NEGR1: variants seen among roughly 807,000 people sequenced by gnomAD.
The protein encoded by NEGR1 is neuronal growth regulator 1, also known as IgLON family member 4.
In NEGR1, 10 loss-of-function variants were observed where a neutral mutation model predicts 40.9. The observed-to-expected ratio is 0.24, with a 90% CI of 0.15 to 0.42. The LOEUF (loss-of-function observed/expected upper bound fraction) is 0.42. NEGR1 is among the 10% of genes least tolerant of loss of function. NEGR1 has a pLI of 1.00. For missense variants in NEGR1, 352 were observed against 438.9 expected, an observed-to-expected ratio of 0.80 and a Z score of 1.77; for synonymous variants, 185 against 166.8, an observed-to-expected ratio of 1.11 and a Z score of -0.84.
intron 1 of NEGR1, among the ~76,000 whole-genome samples, chr1:71,946,674 C>G (rs1220263772): frequency 1.3e-5 from 2 of 151,952 alleles, no homozygotes; most frequent in Non-Finnish European, 1.5e-5. Context: ...ATCTTTTCTA[C>G]TGTAAAATGC....
chr1:71,681,885 G>A (rs995538297), intron 4 of NEGR1, among the ~76,000 whole-genome samples: 1 of 152,132 alleles, frequency 6.6e-6, no homozygotes, highest in Non-Finnish European at 1.5e-5. Context: ...GGTGTGCAGT[G>A]GTGTGATCTC....
At chr1:71,731,375 G>C (rs944493020) in intron 3 of NEGR1, among the ~76,000 whole-genome samples, 1 of 152,146 alleles carries the variant, frequency 6.6e-6, no homozygotes, top group Non-Finnish European at 1.5e-5. Flanking sequence ...GTGGAACTCA[G>C]CATTTGTGAT....
chr1:71,656,904 C>T (rs948201804), intron 4 of NEGR1, among the ~76,000 whole-genome samples: 7 of 152,144 alleles, frequency 4.6e-5, no homozygotes, highest in Admixed American at 3.3e-4. Context: ...TGCAACATAT[C>T]TCTAATTCAT....
At chr1:71,648,862 A>G (rs1441454495) in intron 4 of NEGR1, among the ~76,000 whole-genome samples, 1 of 151,948 alleles carries the variant, frequency 6.6e-6, no homozygotes, top group Non-Finnish European at 1.5e-5. Flanking sequence ...GCTGTGTTCA[A>G]TTTTCACTAT....
At chr1:72,069,685 G>A (rs932521791) in intron 1 of NEGR1, among the ~76,000 whole-genome samples, 1 of 152,026 alleles carries the variant, frequency 6.6e-6, no homozygotes, top group Non-Finnish European at 1.5e-5. Flanking sequence ...TATAGGCCAA[G>A]GAAATTGGTA....
chr1:71,662,982 G>T (rs1218318778), intron 4 of NEGR1, among the ~76,000 whole-genome samples: 1 of 151,106 alleles, frequency 6.6e-6, no homozygotes, highest in African/African-American at 2.4e-5. Context: ...TTTGAGACGG[G>T]GTCTCGTTCT....
chr1:72,249,240 A>G (rs564614822), intron 1 of NEGR1, among the ~76,000 whole-genome samples: 2 of 152,344 alleles, frequency 1.3e-5, no homozygotes, highest in Admixed American at 1.3e-4. Flanking sequence ...ATGTATCATC[A>G]CTAGACACTC....
chr1:71,561,928 CT>C (rs72262470), intron 6 of NEGR1, among the ~76,000 whole-genome samples: 54 of 140,018 alleles, frequency 3.9e-4, no homozygotes, highest in Middle Eastern at 3.5e-3. Flanking sequence ...TTTGCTAGAG[CT>C]TTTTTTTTTT....
chr1:71,451,539 T>C (rs1646628574), intron 6 of NEGR1, among the ~76,000 whole-genome samples: 1 of 152,036 alleles, frequency 6.6e-6, no homozygotes, highest in Non-Finnish European at 1.5e-5. Flanking sequence ...TTTCACCACG[T>C]TGGCCAGGCT....
intron 6 of NEGR1, among the ~76,000 whole-genome samples, chr1:71,455,154 T>C (rs1202697631): frequency 6.6e-6 from 1 of 152,196 alleles, no homozygotes; most frequent in African/African-American, 2.4e-5. Context: ...CCAGTTCTTG[T>C]ACAAATATGT....
intron 2 of NEGR1, chr1:71,794,107 T>C (rs1187128764): frequency 6.6e-6 from 1 of 152,168 alleles, no homozygotes; most frequent in Non-Finnish European, 1.5e-5. Context: ...TCATTGCTAA[T>C]AGATAACTTG....
chr1:71,944,988 T>G (rs547674322), intron 1 of NEGR1, among the ~76,000 whole-genome samples: 1 of 152,266 alleles, frequency 6.6e-6, no homozygotes, highest in East Asian at 1.9e-4. Context: ...AAAATTAATG[T>G]TTTTTTAAAC....
At chr1:71,742,881 G>T (rs1387583284) in intron 3 of NEGR1, among the ~76,000 whole-genome samples, 1 of 152,150 alleles carries the variant, frequency 6.6e-6, no homozygotes, top group Non-Finnish European at 1.5e-5. Flanking sequence ...CACAATATTT[G>T]TGTTCCCCCA....
At chr1:71,749,038 AAAAT>A (rs1347522551) in intron 3 of NEGR1, among the ~76,000 whole-genome samples, 1 of 152,184 alleles carries the variant, frequency 6.6e-6, no homozygotes, top group Non-Finnish European at 1.5e-5. Flanking sequence ...TTGTTAACTT[AAAAT>A]AAGAATGATG....
chr1:72,005,054 GT>G (rs1646594209), intron 1 of NEGR1, among the ~76,000 whole-genome samples: 1 of 152,074 alleles, frequency 6.6e-6, no homozygotes, highest in African/African-American at 2.4e-5. Context: ...TGCTTTGACA[GT>G]TTGCATTTTT....
At chr1:71,917,801 A>G (rs1218443649) in intron 2 of NEGR1, among the ~76,000 whole-genome samples, 1 of 150,068 alleles carries the variant, frequency 6.7e-6, no homozygotes, top group Non-Finnish European at 1.5e-5. Flanking sequence ...AAAAAAAAGT[A>G]AGTCATATAT....
intron 6 of NEGR1, among the ~76,000 whole-genome samples, chr1:71,483,434 T>G (rs1263774411): frequency 6.6e-6 from 1 of 151,612 alleles, no homozygotes; most frequent in African/African-American, 2.4e-5. Flanking sequence ...TAGGAAATAA[T>G]GGAATAATTC....
At chr1:71,953,948 G>A (rs3845342) in intron 1 of NEGR1, among the ~76,000 whole-genome samples, 21,660 of 151,550 alleles carry the variant, frequency 0.14, 1,725 homozygotes, top group African/African-American at 0.21. Context: ...CCACTTTATC[G>A]CAGTGGTCTG....
In NEGR1 at chr1:71,507,413, T is replaced by C. The variant is rs185130347; in HGVS notation, c.940+85404A>G. 9.8e-5 allele frequency among the ~76,000 whole-genome samples: 15 copies of C among 152,294 alleles called. No homozygotes were observed. In the East Asian group the frequency reaches 2.9e-3, roughly 29 times the overall value. ...TGTCTATATCACACAAAGGGAGTCA[T>C]TAGGGACCCCAGGCTCTGTGTAATG... On this transcript the variant is annotated intron_variant, in intron 6 of 6. Coordinates refer to ENST00000357731, the MANE Select transcript of NEGR1 (RefSeq NM_173808.3).
Sources: allele counts gnomAD v4.1 joint callset (sites outside exome capture counted in the v4.1 genomes callset), GRCh38; gene constraint gnomAD v4.1.1; transcripts MANE v1.5; gene names NCBI Gene and HGNC (gene_info 2026-07-23, HGNC 2026-07-21).